Variants in POMGNT1 observed in about 807,000 individuals in gnomAD.
POMGNT1 encodes the protein protein O-linked mannose N-acetylglucosaminyltransferase 1 (beta 1,2-).
POMGNT1 carries 67 observed loss-of-function variants against 95.6 expected under a neutral mutation model. The ratio of observed to expected loss-of-function variants is 0.70; its 90% CI spans 0.58 to 0.86. The LOEUF (loss-of-function observed/expected upper bound fraction) is 0.86. POMGNT1 is among the 40% of genes least tolerant of loss of function. The probability of loss-of-function intolerance (pLI) is 0.00; values close to 1 mark genes in which losing one functional copy is unlikely to be tolerated. For synonymous variants in POMGNT1, 298 were observed against 317.9 expected, an observed-to-expected ratio of 0.94 and a Z score of 0.66; for missense variants, 719 against 855.2, an observed-to-expected ratio of 0.84 and a Z score of 1.99.
At chr1:46,200,157 C>T (rs756006858), upstream of POMGNT1, among the ~76,000 whole-genome samples, 1 of 152,154 alleles carries the variant, frequency 6.6e-6, no homozygotes. Flanking sequence ...CAGAGCAAGA[C>T]TCCGTCTCAA....
At chr1:46,215,943 A>G (rs988361666) in intron 1 of POMGNT1, among the ~76,000 whole-genome samples, 1 of 152,164 alleles carries the variant, frequency 6.6e-6, no homozygotes, top group Non-Finnish European at 1.5e-5. Flanking sequence ...ACCCCTGAGG[A>G]AGAATTATTT....
At chr1:46,205,823 T>C (rs1262066007) in intron 1 of POMGNT1, among the ~76,000 whole-genome samples, 2 of 152,230 alleles carry the variant, frequency 1.3e-5, no homozygotes, top group Non-Finnish European at 1.5e-5. Context: ...CCTACTGGGT[T>C]GCACCCAGGA....
chr1:46,196,877 A>G lies in POMGNT1; in HGVS notation c.236-28T>C, dbSNP rs568102210. On this transcript the variant is annotated intron_variant, in intron 3 of 21. Coordinates refer to ENST00000371984, the MANE Select transcript of POMGNT1 (RefSeq NM_017739.4). This position sits in a 1 kb window ranked among gnomAD's most constrained non-coding sequence, Gnocchi z 4.4. ...GTGGGGTACAACAGGTCATGGAGAT[A>G]GTCTCCTCAGCAGAGTCTCACCGCT... The G allele has an allele frequency of 4.3e-6, 7 of 1,614,150 alleles. No homozygotes were observed. In the African/African-American group the frequency reaches 8.0e-5, roughly 18 times the overall value.
chr1:46,193,964 C>T, intron 9 of POMGNT1, 39 bp from the exon 10 acceptor site: 2 of 1,610,992 alleles, frequency 1.2e-6, no homozygotes, highest in Non-Finnish European at 1.7e-6. Context: ...CCTTATTCCC[C>T]CTTCAAACTG....
chr1:46,220,001 C>G, exon 1 of POMGNT1: 1 of 1,614,232 alleles, frequency 6.2e-7, no homozygotes, highest in Non-Finnish European at 8.5e-7. Context: ...CTCCACGTTC[C>G]GAGATGGACT....
At chr1:46,211,633 AC>A (rs1658899403) in intron 1 of POMGNT1, among the ~76,000 whole-genome samples, 1 of 152,200 alleles carries the variant, frequency 6.6e-6, no homozygotes, top group African/African-American at 2.4e-5. Flanking sequence ...TTTAGATAGT[AC>A]CTCATATTAT....
chr1:46,190,579 C>T lies in POMGNT1; in HGVS notation c.1605-62G>A, dbSNP rs116579447. The T allele has an allele frequency of 7.7e-4, 1,181 of 1,539,512 alleles. 10 individuals carry two copies. The African/African-American group carries it at 0.013, about 17-fold the overall frequency. ...AGGCCCTCAGGTCCCATGGGTAGCACTGAGCAGGGCAAGGGGTCACATGGG... is the reference window on the plus strand; with the variant it reads ...AGGCCCTCAGGTCCCATGGGTAGCATTGAGCAGGGCAAGGGGTCACATGGG... On this transcript the variant is annotated intron_variant, in intron 18 of 21. Transcript: ENST00000371984.
At chr1:46,195,349 T>C (rs956157948) in intron 6 of POMGNT1, 15 of 376,424 alleles carry the variant, frequency 4.0e-5, no homozygotes, top group African/African-American at 2.9e-4. Flanking sequence ...TGGAATGCTC[T>C]TCCTCCAGAT....
intron 1 of POMGNT1, among the ~76,000 whole-genome samples, chr1:46,208,227 A>C (rs1339890599): frequency 6.6e-6 from 1 of 152,110 alleles, no homozygotes; most frequent in Non-Finnish European, 1.5e-5. Context: ...TCCTGGCCTC[A>C]AGCAGTCCGT....
chr1:46,193,779 C>T, intron 10 of POMGNT1, 76 bp downstream of exon 10: 1 of 1,603,004 alleles, frequency 6.2e-7, no homozygotes. Flanking sequence ...CTGCCCACCT[C>T]AAGAGTTCCT....
At chr1:46,216,584 C>T (rs1300768387) in intron 1 of POMGNT1, among the ~76,000 whole-genome samples, 1 of 152,132 alleles carries the variant, frequency 6.6e-6, no homozygotes, top group South Asian at 2.1e-4. Context: ...TCAAGTGATC[C>T]TCCTCTCTTG....
In POMGNT1 at chr1:46,208,152, A is replaced by G. The variant is rs1205196006; in HGVS notation, c.-50-10281T>C. 6.6e-5 allele frequency among the ~76,000 whole-genome samples: 10 copies of G among 151,776 alleles called. No homozygotes were observed. In the East Asian group the frequency reaches 1.9e-3, roughly 29 times the overall value. ...TGGGATTACAGGTGTGAGCCACCCC[A>G]CCAGCCTTATTTATTTTTTTAATAG... On this transcript the variant is annotated intron_variant, in intron 1 of 22. Transcript: ENST00000371992.
chr1:46,191,161 A>T (rs1335763990), intron 17 of POMGNT1: 2 of 342,778 alleles, frequency 5.8e-6, no homozygotes, highest in Non-Finnish European at 1.1e-5. Context: ...GGAAAAAACT[A>T]CTTTGACTCT....
At position 46,189,162 on chromosome 1, in the gene POMGNT1, G is replaced by C. The variant is rs1291141254; in HGVS notation, c.*108C>G. 6.6e-7 allele frequency: 1 copy of C among 1,512,286 alleles called. No individual in the cohort carries two copies. Among genetic ancestry groups the C allele is most frequent in the East Asian group, 2.3e-5 (1 of 43,980 alleles). 93.7% of individuals were successfully genotyped at this position (1,512,286 alleles called of 1,614,324 possible). ...TAATTAAGTCTCATGTTAAAAACAA[G>C]GTAGCCCCAGCCCCTACCAGCATCT... On this transcript the variant is annotated 3_prime_UTR_variant, in exon 22 of 22. Coordinates refer to ENST00000371984, the MANE Select transcript of POMGNT1 (RefSeq NM_017739.4).
At chr1:46,197,587 A>G (rs893431645) in intron 2 of POMGNT1, 115 bp downstream of exon 2, 68 of 1,573,896 alleles carry the variant, frequency 4.3e-5, no homozygotes, top group Non-Finnish European at 5.7e-5. Flanking sequence ...CCCCTCTAGG[A>G]ACCTGCTGCC....
intron 1 of POMGNT1, chr1:46,219,701 T>C: frequency 3.2e-6 from 5 of 1,582,860 alleles, no homozygotes; most frequent in Non-Finnish European, 4.3e-6. Flanking sequence ...TCCCCCAGGC[T>C]TACCTGCGAG....
chr1:46,196,034 A>T lies in POMGNT1; in HGVS notation c.398T>A (p.Val133Asp). The T allele has an allele frequency of 6.2e-7, 1 of 1,614,030 alleles. No individual in the cohort carries two copies. Among genetic ancestry groups the T allele is most frequent in the East Asian group, 2.2e-5 (1 of 44,882 alleles). Residue 133 changes from valine to aspartate, a missense_variant, in exon 5 of 22, where the codon GTC becomes GAC. Coordinates refer to ENST00000371984, the MANE Select transcript of POMGNT1 (RefSeq NM_017739.4). The surrounding 1 kb of genome is among the most constrained non-coding windows in gnomAD (Gnocchi z 4.4). ...EAREQGRGIH[V>D]IVLNQATGHV... ...CACCGTGGCCTGGTTGAGGACAATG[A>T]CATGGATGCCCCGGCCCTGCTCCCG...
At chr1:46,191,751 C>T (rs1657783336) in intron 17 of POMGNT1, 2 of 352,336 alleles carry the variant, frequency 5.7e-6, no homozygotes, top group Admixed American at 3.9e-5. Context: ...TCTCCTGCCT[C>T]AGCCTCCCAA....
upstream of POMGNT1, chr1:46,198,518 G>A (rs112633472): frequency 1.5e-4 from 22 of 147,540 alleles, no homozygotes; most frequent in Admixed American, 9.5e-4. Flanking sequence ...GCGGTGCTTA[G>A]GGCGGCGGCG....
Sources: allele counts gnomAD v4.1 joint callset (sites outside exome capture counted in the v4.1 genomes callset), GRCh38; gene constraint gnomAD v4.1.1; non-coding constraint Gnocchi (gnomAD v3.1); transcripts MANE v1.5; gene names NCBI Gene and HGNC (gene_info 2026-07-23, HGNC 2026-07-21).